KIFC3: variants seen among roughly 807,000 people sequenced by gnomAD.
KIFC3 encodes kinesin family member C3.
Under a neutral mutation model 101.8 loss-of-function variants are expected in KIFC3, and 60 were observed. That is an observed-to-expected ratio of 0.59 (90% CI 0.48 to 0.73). The LOEUF is 0.73. KIFC3 is among the 30% of genes least tolerant of loss of function. KIFC3 has a pLI of 0.00. For synonymous variants in KIFC3, 476 were observed against 482.7 expected (o/e 0.99, Z 0.18); for missense variants, 966 against 1,137.1 (o/e 0.85, Z 2.16).
chr16:57,806,509 T>C (rs1440939725), upstream of KIFC3, among the ~76,000 whole-genome samples: 1 of 152,134 alleles, frequency 6.6e-6, no homozygotes, highest in Non-Finnish European at 1.5e-5. Context: ...CAGGACCCTT[T>C]CGTTACTTGA....
chr16:57,843,590 C>T (rs1009654434), intron 1 of KIFC3, among the ~76,000 whole-genome samples: 23 of 152,032 alleles, frequency 1.5e-4, no homozygotes, highest in African/African-American at 4.8e-4. Flanking sequence ...ACAGGAGGAT[C>T]ACTTGAGCCC....
intron 3 of KIFC3, among the ~76,000 whole-genome samples, chr16:57,780,520 A>AT (rs1555613885): frequency 1.3e-5 from 2 of 150,766 alleles, no homozygotes; most frequent in Admixed American, 6.6e-5. Context: ...CAAGAAAAAA[A>AT]ATATATATAT....
intron 1 of KIFC3, among the ~76,000 whole-genome samples, chr16:57,860,065 A>T (rs528771361): frequency 6.9e-6 from 1 of 145,562 alleles, no homozygotes; most frequent in African/African-American, 2.5e-5. Flanking sequence ...AATAAAATAA[A>T]ATAAAATAAA....
rs186406781 is a variant in KIFC3, at chr16:57,852,039, C to T, written c.108+10690G>A. Among the ~76,000 whole-genome samples, 53 of 152,238 alleles carry T rather than the reference C, an allele frequency of 3.5e-4. 1 individual carries two copies. The East Asian group carries it at 9.8e-3, about 28-fold the overall frequency. ...TACAAGTGTGAGCCACCACACCCAGCTCATTCTTTCTTTTTTATTTCTTCC... is the reference window on the plus strand; with the variant it reads ...TACAAGTGTGAGCCACCACACCCAGTTCATTCTTTCTTTTTTATTTCTTCC... On this transcript the variant is annotated intron_variant, in intron 1 of 2. Coordinates refer to the KIFC3 transcript ENST00000563028.
chr16:57,851,826 G>A (rs148174012), intron 1 of KIFC3, among the ~76,000 whole-genome samples: 4,371 of 151,886 alleles, frequency 0.029, 193 homozygotes, highest in African/African-American at 0.099. Flanking sequence ...TGCAACCTCT[G>A]CCTCCCAGGT....
intron 3 of KIFC3, chr16:57,775,970 G>C (rs1028683457): frequency 2.0e-6 from 2 of 985,366 alleles, no homozygotes; most frequent in South Asian, 9.4e-5. Flanking sequence ...AGCTGGGCCT[G>C]TCTGCCGGCT....
intron 1 of KIFC3, among the ~76,000 whole-genome samples, chr16:57,842,890 G>A (rs765021102): frequency 2.6e-5 from 4 of 152,118 alleles, no homozygotes; most frequent in Non-Finnish European, 5.9e-5. Context: ...CCAGCACTTT[G>A]GGAGGCCAGG....
At chr16:57,781,649 C>T (rs1272927073) in intron 3 of KIFC3, among the ~76,000 whole-genome samples, 1 of 152,224 alleles carries the variant, frequency 6.6e-6, no homozygotes, top group Admixed American at 6.5e-5. Flanking sequence ...CTCCTGAGCT[C>T]CCACAAGCCC....
chr16:57,798,392 C>A, intron 1 of KIFC3, 110 bp from the exon 2 acceptor site: 1 of 970,864 alleles, frequency 1.0e-6, no homozygotes, highest in Non-Finnish European at 1.6e-6. Context: ...TCGCTGGTTA[C>A]CCAGCGCAGC....
Position 57,759,834 on chromosome 16 carries a change from C to A in KIFC3, c.2370G>T (p.Trp790Cys). 1 of 1,607,206 alleles carries A rather than the reference C, an allele frequency of 6.2e-7. No individual in the cohort carries two copies. Among genetic ancestry groups the A allele is most frequent in the Non-Finnish European group, 8.5e-7 (1 of 1,177,412 alleles). The change falls in exon 18 of 20, where the codon TGG (tryptophan) becomes TGT (cysteine). Residue 790 changes from tryptophan to cysteine, a missense_variant and splice_region_variant. By Grantham distance (215) the Trp-to-Cys change is radical. Transcript: ENST00000445690. ...GCTGTGGCGTCTGACAAGCCGGCTC[C>A]CACTGTGAGCAGGGAAGGGCGGATG... Reference protein sequence around the residue: ...GSWSSQEHLEWEPACQTPQPS... With the variant: ...GSWSSQEHLECEPACQTPQPS...
At chr16:57,775,378 A>T in intron 3 of KIFC3, 1 of 1,081,106 alleles carries the variant, frequency 9.2e-7, no homozygotes, top group Non-Finnish European at 1.1e-6. Context: ...TGGCCAAGGC[A>T]CCAGTGGCCT....
intron 3 of KIFC3, chr16:57,774,331 T>C (rs1207382018): frequency 6.6e-6 from 1 of 152,194 alleles, no homozygotes; most frequent in Non-Finnish European, 1.5e-5. Flanking sequence ...TTACAATGTG[T>C]ATATATAGTA....
chr16:57,769,446 A>G lies in KIFC3; in HGVS notation c.1218+149T>C. On this transcript the variant is annotated intron_variant, in intron 9 of 19. Transcript: ENST00000445690. This position sits in a 1 kb window ranked among gnomAD's most constrained non-coding sequence, Gnocchi z 4.3. ...AGTCTAGTTTCAAACAGGGCCTATA[A>G]GGGCAGCAGTAAGTGTCATGGGGGG... 1.1e-6 allele frequency: 1 copy of G among 945,720 alleles called. No individual in the cohort carries two copies. Among genetic ancestry groups the G allele is most frequent in the Non-Finnish European group, 1.5e-6 (1 of 649,010 alleles). 58.6% of individuals were successfully genotyped at this position (945,720 alleles called of 1,614,324 possible).
At position 57,761,447 on chromosome 16, in the gene KIFC3, T is replaced by G; in HGVS notation, c.1838A>C (p.Glu613Ala). The G allele has an allele frequency of 6.2e-7, 1 of 1,614,030 alleles. No individual in the cohort carries two copies. Among genetic ancestry groups the G allele is most frequent in the Non-Finnish European group, 8.5e-7 (1 of 1,179,930 alleles). ...SGQLYVPGLT[E>A]FQVQSVDDIN... ...GTCGTCCACGCTCTGCACTTGGAAC[T>G]CAGTCAGCCCTGGTACATACAGCTG... Residue 613 changes from glutamate (E) to alanine (A), a missense_variant, in exon 14 of 20, where the codon GAG becomes GCG. Glu to Ala is a moderately radical substitution (Grantham distance 107). Around this residue, in one of 2 missense-constraint regions of KIFC3, gnomAD observed 689 missense variants for 884.6 expected, o/e 0.78. Coordinates refer to ENST00000445690, the MANE Select transcript of KIFC3 (RefSeq NM_001130100.2).
intron 3 of KIFC3, among the ~76,000 whole-genome samples, chr16:57,778,507 C>T (rs1234777658): frequency 1.3e-5 from 2 of 152,122 alleles, no homozygotes; most frequent in Non-Finnish European, 2.9e-5. Context: ...AAAGGCAACA[C>T]GTGGAAAATA....
chr16:57,781,866 G>A, intron 3 of KIFC3: 34 of 924,654 alleles, frequency 3.7e-5, no homozygotes, highest in Non-Finnish European at 4.4e-5. Context: ...GTAAGTGGTG[G>A]ACCTAGGACC....
chr16:57,802,948 A>C, upstream of KIFC3: 1 of 1,533,472 alleles, frequency 6.5e-7, no homozygotes, highest in Non-Finnish European at 8.7e-7. The surrounding 1 kb of genome is among the most constrained non-coding windows in gnomAD (Gnocchi z 5.0). Context: ...CACACACACA[A>C]GCTCTTACTC....
intron 1 of KIFC3, among the ~76,000 whole-genome samples, chr16:57,859,731 A>AATAAAATC (rs1282608310): frequency 6.6e-6 from 1 of 152,084 alleles, no homozygotes; most frequent in Non-Finnish European, 1.5e-5. Context: ...AAACATTTAA[A>AATAAAATC]ATAAAATCAA....
At chr16:57,828,829 C>T (rs975956243) in intron 1 of KIFC3, among the ~76,000 whole-genome samples, 22 of 152,156 alleles carry the variant, frequency 1.4e-4, no homozygotes, top group Non-Finnish European at 2.6e-4. Context: ...CCCTCACCCC[C>T]CAGCAGAAGG....
Sources: allele counts gnomAD v4.1 joint callset (sites outside exome capture counted in the v4.1 genomes callset), GRCh38; gene constraint gnomAD v4.1.1; regional missense constraint gnomAD v4.1.1; non-coding constraint Gnocchi (gnomAD v3.1); transcripts MANE v1.5; gene names NCBI Gene and HGNC (gene_info 2026-07-23, HGNC 2026-07-21).